The following MSR1 variants were observed in gnomAD, a reference collection of about 807,000 sequenced individuals.
MSR1 encodes the protein macrophage scavenger receptor 1.
A neutral mutation model predicts 47.2 loss-of-function variants in MSR1; 53 were observed. The observed-to-expected ratio is 1.12, with a 90% CI of 0.90 to 1.41. The LOEUF (loss-of-function observed/expected upper bound fraction) is 1.41. Among genes scored for constraint, MSR1 ranks in the 40% most tolerant of loss-of-function variants. The pLI, the probability that MSR1 is intolerant of heterozygous loss-of-function variation, is 0.00. For synonymous variants in MSR1, 239 were observed against 185.6 expected, an observed-to-expected ratio of 1.29 and a Z score of -2.34; for missense variants, 786 against 546.9, an observed-to-expected ratio of 1.44 and a Z score of -4.36.
intron 1 of MSR1, among the ~76,000 whole-genome samples, chr8:16,184,959 T>C (rs894240756): frequency 1.4e-5 from 2 of 147,912 alleles, no homozygotes; most frequent in African/African-American, 5.1e-5. Flanking sequence ...CACTATTTAG[T>C]CTATAAAATA....
Position 16,175,025 on chromosome 8 carries a change from C to T in MSR1, c.217+162G>A, listed in dbSNP as rs180904532. On this transcript the variant is annotated intron_variant, in intron 3 of 9. Coordinates refer to ENST00000262101, the MANE Select transcript of MSR1 (RefSeq NM_138715.3). The stretch of plus-strand genomic sequence containing the variant: ...AACTATTTTTTTCTACTTAACTTTG[C>T]GGAATCTGTTTTTTAACTTAACAAA... 8.6e-5 allele frequency among the ~76,000 whole-genome samples: 13 copies of T among 151,964 alleles called. No individual in the cohort carries two copies. The East Asian group carries it at 2.5e-3, about 29-fold the overall frequency.
Position 16,168,378 on chromosome 8 carries a change from G to A in MSR1, c.630+80C>T. 3 of 1,462,408 alleles carry A rather than the reference G, an allele frequency of 2.1e-6. No homozygotes were observed. Among genetic ancestry groups the A allele is most frequent in the Non-Finnish European group, 2.9e-6 (3 of 1,048,506 alleles). The allele number at this position is 1,462,408 out of a possible 1,614,324, so 90.6% of individuals were successfully genotyped here. The stretch of plus-strand genomic sequence containing the variant: ...TGATGAAACAGGGTTTGCAACTTTT[G>A]CTTTCCTGTACTGCCTAAGGAGACG... On this transcript the variant is annotated intron_variant, in intron 4 of 9. Coordinates refer to ENST00000262101, the MANE Select transcript of MSR1 (RefSeq NM_138715.3).
chr8:16,164,917 G>A (rs961327620), intron 4 of MSR1, among the ~76,000 whole-genome samples: 1 of 151,850 alleles, frequency 6.6e-6, no homozygotes, highest in African/African-American at 2.4e-5. Context: ...CCTGGAATAT[G>A]CTTTTATATT....
intron 5 of MSR1, among the ~76,000 whole-genome samples, chr8:16,156,796 T>C (rs536925330): frequency 6.6e-6 from 1 of 152,042 alleles, no homozygotes; most frequent in South Asian, 2.1e-4. Context: ...TATAGCTTAA[T>C]TGCTGCGAGA....
intron 4 of MSR1, among the ~76,000 whole-genome samples, chr8:16,168,149 T>G (rs183425563): frequency 6.6e-6 from 1 of 152,324 alleles, no homozygotes; most frequent in Non-Finnish European, 1.5e-5. Flanking sequence ...CAAGATCTGC[T>G]AAGATAACCT....
At chr8:16,185,837 T>A (rs1407338521) in intron 1 of MSR1, among the ~76,000 whole-genome samples, 1 of 148,318 alleles carries the variant, frequency 6.7e-6, no homozygotes, top group Non-Finnish European at 1.5e-5. Flanking sequence ...AGAAGATACC[T>A]TTTTTCAGGA....
chr8:16,111,980 C>T (rs78105795), intron 9 of MSR1, among the ~76,000 whole-genome samples: 8,674 of 152,150 alleles, frequency 0.057, 396 homozygotes, highest in Non-Finnish European at 0.083. Context: ...GGTGCCTACA[C>T]GAGTGAACAA....
chr8:16,164,265 G>C lies in MSR1; in HGVS notation c.631-14C>G, dbSNP rs1008364170. On this transcript the variant is annotated splice_polypyrimidine_tract_variant and intron_variant, in intron 4 of 9. Coordinates refer to ENST00000262101, the MANE Select transcript of MSR1 (RefSeq NM_138715.3). ...TTTACTGATTTCCTGTAAAACATAA[G>C]TGAGCATTCACAGCCTTTGTTACAT... The C allele has an allele frequency of 1.9e-6, 3 of 1,607,412 alleles. No homozygotes were observed. The highest frequency in any genetic ancestry group is 2.6e-6 in the Non-Finnish European group (3 of 1,175,376).
intron 8 of MSR1, among the ~76,000 whole-genome samples, chr8:16,127,506 T>G (rs561958458): frequency 6.6e-6 from 1 of 152,296 alleles, no homozygotes; most frequent in Non-Finnish European, 1.5e-5. Flanking sequence ...TAATTATCTT[T>G]TCGGGTTAGG....
intron 6 of MSR1, among the ~76,000 whole-genome samples, chr8:16,154,829 C>A (rs1800955612): frequency 6.6e-6 from 1 of 151,798 alleles, no homozygotes; most frequent in African/African-American, 2.4e-5. Context: ...TTATTTTCTT[C>A]AACAGTCATG....
At chr8:16,166,266 G>A (rs910630803) in intron 4 of MSR1, among the ~76,000 whole-genome samples, 5 of 143,434 alleles carry the variant, frequency 3.5e-5, no homozygotes, top group African/African-American at 1.0e-4. Flanking sequence ...CACCTCCTGG[G>A]TTCAAGTGGT....
rs1484752 is a variant in MSR1, at chr8:16,162,486, A to C, written c.817+1579T>G. 8.0e-3 allele frequency among the ~76,000 whole-genome samples: 1,215 copies of C among 152,128 alleles called. 6 individuals carry two copies. The highest frequency in any genetic ancestry group is 0.013 in the Admixed American group (191 of 15,266). On this transcript the variant is annotated intron_variant, in intron 5 of 9. Transcript: ENST00000262101. ...GTAAATTCATGCGCAAATTTAAATA[A>C]ATATTTGTTGTGGGTGAGCGATGAC...
intron 1 of MSR1, among the ~76,000 whole-genome samples, chr8:16,183,815 TATTA>T (rs1163455646): frequency 7.1e-6 from 1 of 141,278 alleles, no homozygotes; most frequent in Non-Finnish European, 1.5e-5. Flanking sequence ...TTGGCAAATA[TATTA>T]TATATTATAT....
rs1801520680 is a variant in MSR1, at chr8:16,172,712, T to C, written c.217+2475A>G. 2.0e-5 allele frequency among the ~76,000 whole-genome samples: 3 copies of C among 152,120 alleles called. No homozygotes were observed. In the South Asian group the frequency reaches 6.2e-4, roughly 31 times the overall value. On this transcript the variant is annotated intron_variant, in intron 3 of 9. Coordinates refer to ENST00000262101, the MANE Select transcript of MSR1 (RefSeq NM_138715.3). ...ACATAAATTCTTGATTTTTATCTTA[T>C]TGTTCTGACACAGTATTATGTTGTT...
intron 8 of MSR1, among the ~76,000 whole-genome samples, chr8:16,129,699 G>A (rs1247973985): frequency 1.3e-5 from 2 of 152,076 alleles, no homozygotes; most frequent in Non-Finnish European, 2.9e-5. Flanking sequence ...AGTGACCCAA[G>A]ATCATGCCAC....
intron 1 of MSR1, among the ~76,000 whole-genome samples, chr8:16,180,434 G>T (rs1370948665): frequency 6.6e-6 from 1 of 152,156 alleles, no homozygotes; most frequent in Non-Finnish European, 1.5e-5. Flanking sequence ...AAATTCTCAA[G>T]AGGTGATGCA....
At chr8:16,125,133 G>T (rs1800100380) in intron 8 of MSR1, among the ~76,000 whole-genome samples, 1 of 152,128 alleles carries the variant, frequency 6.6e-6, no homozygotes, top group South Asian at 2.1e-4. Flanking sequence ...TAGAAAATCT[G>T]ATCTTGTCAG....
chr8:16,168,963 T>C, intron 3 of MSR1, 93 bp from the exon 4 acceptor site: 2 of 1,258,806 alleles, frequency 1.6e-6, no homozygotes, highest in Non-Finnish European at 2.3e-6. Context: ...TTCATTTTAT[T>C]CCATTCCATT....
intron 3 of MSR1, among the ~76,000 whole-genome samples, chr8:16,170,875 C>T (rs2117189424): frequency 6.6e-6 from 1 of 152,312 alleles, no homozygotes; most frequent in South Asian, 2.1e-4. Context: ...ATTACCTCAA[C>T]AGTGGTGCTG....
Sources: allele counts gnomAD v4.1 joint callset (sites outside exome capture counted in the v4.1 genomes callset), GRCh38; gene constraint gnomAD v4.1.1; transcripts MANE v1.5; gene names NCBI Gene and HGNC (gene_info 2026-07-23, HGNC 2026-07-21).